ADAMTS12: variants seen among roughly 807,000 people sequenced by gnomAD.
The protein encoded by ADAMTS12 is ADAM metallopeptidase with thrombospondin type 1 motif 12.
A neutral mutation model predicts 167.8 loss-of-function variants in ADAMTS12; 118 were observed. The observed-to-expected ratio is 0.70, with a 90% CI of 0.61 to 0.82. The LOEUF is 0.82. ADAMTS12 is among the 40% of genes least tolerant of loss of function. The probability of loss-of-function intolerance (pLI) is 0.00; values close to 1 mark genes in which losing one functional copy is unlikely to be tolerated. For synonymous variants in ADAMTS12, 704 were observed against 716.9 expected (o/e 0.98, Z 0.29); for missense variants, 1,916 against 1,998.8 (o/e 0.96, Z 0.79).
At chr5:33,886,337 A>G (rs865884620) in intron 1 of ADAMTS12, among the ~76,000 whole-genome samples, 4 of 152,240 alleles carry the variant, frequency 2.6e-5, no homozygotes, top group South Asian at 4.1e-4. Context: ...GCCAGCTACC[A>G]TAAGTCTTTC....
At chr5:33,866,663 C>T (rs1232040135) in intron 2 of ADAMTS12, among the ~76,000 whole-genome samples, 1 of 151,776 alleles carries the variant, frequency 6.6e-6, no homozygotes, top group East Asian at 1.9e-4. Flanking sequence ...ATAGAAAACC[C>T]ACAGAATGAG....
intron 2 of ADAMTS12, among the ~76,000 whole-genome samples, chr5:33,769,483 A>G (rs914557350): frequency 8.5e-5 from 13 of 152,180 alleles, no homozygotes; most frequent in African/African-American, 3.1e-4. Context: ...AATTTTAGCT[A>G]CTTAATCTAG....
chr5:33,573,569 T>A (rs1335219277), intron 19 of ADAMTS12, among the ~76,000 whole-genome samples: 1 of 152,164 alleles, frequency 6.6e-6, no homozygotes, highest in African/African-American at 2.4e-5. Flanking sequence ...CTCGATCCCT[T>A]CCTTACACCT....
intron 14 of ADAMTS12, among the ~76,000 whole-genome samples, chr5:33,616,501 C>T (rs13355994): frequency 1.3e-5 from 2 of 152,118 alleles, no homozygotes; most frequent in South Asian, 4.1e-4. Context: ...TCCTCACCCC[C>T]CTTGCCAGCA....
At chr5:33,760,373 CAA>C (rs199961067) in intron 2 of ADAMTS12, among the ~76,000 whole-genome samples, 6 of 111,788 alleles carry the variant, frequency 5.4e-5, no homozygotes, top group Admixed American at 8.8e-5. Flanking sequence ...AAAAAGATGC[CAA>C]AAAAAAAAAA....
chr5:33,595,331 C>G (rs1747868307), intron 17 of ADAMTS12, among the ~76,000 whole-genome samples: 1 of 152,182 alleles, frequency 6.6e-6, no homozygotes, highest in Admixed American at 6.5e-5. Flanking sequence ...GGAAATCTGT[C>G]AATGTCTGCA....
chr5:33,618,064 C>T (rs1444204691), intron 14 of ADAMTS12, among the ~76,000 whole-genome samples: 1 of 152,114 alleles, frequency 6.6e-6, no homozygotes, highest in African/African-American at 2.4e-5. Context: ...ACAACTTGAC[C>T]AGAAGCTCTA....
intron 2 of ADAMTS12, among the ~76,000 whole-genome samples, chr5:33,785,023 G>C (rs1458115410): frequency 6.6e-6 from 1 of 152,010 alleles, no homozygotes; most frequent in African/African-American, 2.4e-5. Flanking sequence ...CTTGCTCATA[G>C]GTTAATTAAT....
intron 1 of ADAMTS12, among the ~76,000 whole-genome samples, chr5:33,887,018 C>A (rs1335888350): frequency 1.3e-5 from 2 of 151,938 alleles, no homozygotes; most frequent in African/African-American, 4.8e-5. Context: ...ACATGTGTAA[C>A]CTCCAAGCAG....
At position 33,683,963 on chromosome 5, in the gene ADAMTS12, T is replaced by C; in HGVS notation, c.727A>G (p.Ser243Gly). ...PSRSLSRRSI[S>G]KERWVETLVV... The stretch of plus-strand genomic sequence containing the variant: ...AGTGTCTCCACCCATCTCTCCTTGC[T>C]GATGGAACGCCGAGAGAGGCTTCTG... Residue 243 changes from serine (S) to glycine (G), a missense_variant, in exon 4 of 24, where the codon AGC becomes GGC. By Grantham distance (56) the Ser-to-Gly change is moderately conservative (BLOSUM62 0). Coordinates refer to ENST00000504830, the MANE Select transcript of ADAMTS12 (RefSeq NM_030955.4). 2 of 1,612,928 alleles carry C rather than the reference T, an allele frequency of 1.2e-6. No homozygotes were observed. Among genetic ancestry groups the C allele is most frequent in the Non-Finnish European group, 1.7e-6 (2 of 1,179,582 alleles).
At chr5:33,683,780 CCTTT>C (rs879917509) in intron 4 of ADAMTS12, 75 bp downstream of exon 4, 62 of 1,139,238 alleles carry the variant, frequency 5.4e-5, no homozygotes, top group Non-Finnish European at 7.2e-5. Context: ...CCCAAAAAGG[CCTTT>C]CTTATTTATT....
chr5:33,658,093 C>A (rs1202395068), intron 7 of ADAMTS12, 91 bp downstream of exon 7: 2 of 1,492,300 alleles, frequency 1.3e-6, no homozygotes, highest in East Asian at 2.3e-5. Context: ...GTCTCCTGAC[C>A]CCCAATTTGA....
rs150643433 is a variant in ADAMTS12 at position 33,633,769 on chromosome 5, G to T, written c.1889-2856C>A. On this transcript the variant is annotated intron_variant, in intron 12 of 23. Transcript: ENST00000504830. ...CTTGGGAGTCATCACTGGTATCAGA[G>T]ATTCTCTGTGCCGGACATCAACCTT... Among the ~76,000 whole-genome samples, 34 of 152,254 alleles carry T rather than the reference G, an allele frequency of 2.2e-4. No homozygotes were observed. The East Asian group carries it at 5.6e-3, about 25-fold the overall frequency.
intron 2 of ADAMTS12, among the ~76,000 whole-genome samples, chr5:33,762,394 G>C (rs1380860149): frequency 6.6e-6 from 1 of 151,758 alleles, no homozygotes; most frequent in Non-Finnish European, 1.5e-5. Context: ...TGCAGTCCCA[G>C]CTACTCGGGA....
intron 3 of ADAMTS12, among the ~76,000 whole-genome samples, chr5:33,720,978 T>G (rs1304181171): frequency 6.6e-6 from 1 of 152,198 alleles, no homozygotes; most frequent in African/African-American, 2.4e-5. Flanking sequence ...AAATATCCAC[T>G]GCCCAACAAC....
intron 2 of ADAMTS12, among the ~76,000 whole-genome samples, chr5:33,830,290 C>A (rs1403969578): frequency 6.6e-6 from 1 of 151,740 alleles, no homozygotes; most frequent in East Asian, 1.9e-4. Flanking sequence ...AGAAAAATGG[C>A]AAAAAGGAGG....
At chr5:33,586,071 T>C (rs570233821) in intron 18 of ADAMTS12, among the ~76,000 whole-genome samples, 101 of 152,222 alleles carry the variant, frequency 6.6e-4, no homozygotes, top group African/African-American at 2.4e-3. Context: ...CCATCCAGGG[T>C]GATGAAAATG....
At chr5:33,867,191 A>G (rs1431615852) in intron 2 of ADAMTS12, among the ~76,000 whole-genome samples, 1 of 152,236 alleles carries the variant, frequency 6.6e-6, no homozygotes, top group African/African-American at 2.4e-5. Flanking sequence ...CCACAATTGC[A>G]AAGACATGGA....
chr5:33,844,430 T>C (rs1748865537), intron 2 of ADAMTS12, among the ~76,000 whole-genome samples: 1 of 152,212 alleles, frequency 6.6e-6, no homozygotes. Flanking sequence ...GGTAGGCCTC[T>C]AAAATGGCCC....
Sources: gnomAD v4.1 joint callset for allele counts (sites outside exome capture counted in the v4.1 genomes callset) on GRCh38, gnomAD v4.1.1 for gene constraint, MANE v1.5 for transcripts, NCBI Gene and HGNC (gene_info 2026-07-23, HGNC 2026-07-21) for gene names.